The following CHST11 variants were observed in gnomAD, a reference collection of about 807,000 sequenced individuals.
The protein encoded by CHST11 is C4S-1.
Under a neutral mutation model 30.4 loss-of-function variants are expected in CHST11, and 9 were observed. The ratio of observed to expected loss-of-function variants is 0.30; its 90% confidence interval spans 0.18 to 0.52. CHST11 has a LOEUF of 0.52. CHST11 is among the 20% of genes least tolerant of loss of function. The probability of loss-of-function intolerance (pLI) is 0.97; values close to 1 mark genes in which losing one functional copy is unlikely to be tolerated. For synonymous variants in CHST11, 152 were observed against 187.8 expected (o/e 0.81, Z 1.56); for missense variants, 348 against 460.6 (o/e 0.76, Z 2.24).
intron 1 of CHST11, among the ~76,000 whole-genome samples, chr12:104,514,820 C>A (rs1352520360): frequency 6.6e-6 from 1 of 152,168 alleles, no homozygotes; most frequent in African/African-American, 2.4e-5. Context: ...GGCCCCATGT[C>A]CAACATTGGT....
Position 104,457,384 on chromosome 12 carries a change from C to A in CHST11, c.-28C>A. Reference sequence around the variant, plus strand: ...GCGCCCCGGGCGCGCTTCCCGGACACCCCGGTCCCCGCAGCCAGGACAAAG... The same window carrying A: ...GCGCCCCGGGCGCGCTTCCCGGACAACCCGGTCCCCGCAGCCAGGACAAAG... On this transcript the variant is annotated 5_prime_UTR_variant, in exon 1 of 3. Coordinates refer to ENST00000303694, the MANE Select transcript of CHST11 (RefSeq NM_018413.6). 6.4e-7 allele frequency: 1 copy of A among 1,570,508 alleles called. No homozygotes were observed.
At chr12:104,539,704 TTA>T (rs2038269373) in intron 1 of CHST11, among the ~76,000 whole-genome samples, 1 of 152,200 alleles carries the variant, frequency 6.6e-6, no homozygotes, top group African/African-American at 2.4e-5. Context: ...AAGACTTTGG[TTA>T]TCTTTTCAGA....
chr12:104,610,968 T>C (rs556668945), intron 2 of CHST11, among the ~76,000 whole-genome samples: 1 of 152,324 alleles, frequency 6.6e-6, no homozygotes, highest in Admixed American at 6.5e-5. Flanking sequence ...AGATGCCCAG[T>C]CAATGCTGAT....
chr12:104,628,194 G>A (rs1268376510), intron 2 of CHST11, among the ~76,000 whole-genome samples: 1 of 152,128 alleles, frequency 6.6e-6, no homozygotes, highest in African/African-American at 2.4e-5. Context: ...CATTAAACCC[G>A]AGGTCAGGAG....
chr12:104,656,606 A>G (rs1160112589), intron 2 of CHST11, among the ~76,000 whole-genome samples: 1 of 152,194 alleles, frequency 6.6e-6, no homozygotes, highest in African/African-American at 2.4e-5. Context: ...ACCGCAGGAC[A>G]TTCCCAGCCC....
At chr12:104,597,209 T>A (rs982196783) in intron 1 of CHST11, among the ~76,000 whole-genome samples, 3 of 152,202 alleles carry the variant, frequency 2.0e-5, no homozygotes, top group African/African-American at 7.2e-5. Flanking sequence ...CGGCTTGAGT[T>A]TAATTTTAGC....
chr12:104,477,909 G>C (rs550897379), intron 1 of CHST11, among the ~76,000 whole-genome samples: 51 of 152,268 alleles, frequency 3.3e-4, no homozygotes, highest in African/African-American at 1.1e-3. Flanking sequence ...CAACTGATTG[G>C]AGAAAGGAAT....
chr12:104,522,078 A>C (rs997925255), intron 1 of CHST11, among the ~76,000 whole-genome samples: 3 of 152,196 alleles, frequency 2.0e-5, no homozygotes, highest in Non-Finnish European at 4.4e-5. Context: ...TTAATCAATA[A>C]TGTGAAATTA....
intron 1 of CHST11, chr12:104,553,532 CG>C (rs1565984682): frequency 6.7e-6 from 1 of 150,174 alleles, no homozygotes; most frequent in Non-Finnish European, 1.5e-5. Context: ...TGGCAGAAGG[CG>C]AAGGGGAAGC....
chr12:104,557,866 A>G lies in CHST11; in HGVS notation c.119-44040A>G, dbSNP rs188693504. On this transcript the variant is annotated intron_variant, in intron 1 of 2. Transcript: ENST00000303694. ...GTGATTCTCAACCAGTGTGGGCTGGAGCAATCAGAGAAGCCTTCGTGGGGG... is the reference window on the plus strand; with the variant it reads ...GTGATTCTCAACCAGTGTGGGCTGGGGCAATCAGAGAAGCCTTCGTGGGGG... 2.6e-5 allele frequency among the ~76,000 whole-genome samples: 4 copies of G among 152,216 alleles called. No homozygotes were observed. The East Asian group carries it at 7.7e-4, about 29-fold the overall frequency.
At chr12:104,639,653 C>CAT (rs1471764163) in intron 2 of CHST11, among the ~76,000 whole-genome samples, 1 of 152,170 alleles carries the variant, frequency 6.6e-6, no homozygotes, top group Non-Finnish European at 1.5e-5. Flanking sequence ...GCAATCCATG[C>CAT]ATACGTGGTC....
In CHST11 at chr12:104,752,580, T is replaced by C. The variant is rs549243482; in HGVS notation, c.205-4369T>C. Among the ~76,000 whole-genome samples the C allele has an allele frequency of 3.0e-4, 46 of 152,282 alleles. No homozygotes were observed. In the South Asian group the frequency reaches 9.3e-3, roughly 31 times the overall value. On this transcript the variant is annotated intron_variant, in intron 2 of 2. Coordinates refer to ENST00000303694, the MANE Select transcript of CHST11 (RefSeq NM_018413.6). ...TCTCACTCTGTCGCCCAGGCTGGAG[T>C]GCAGTGCCGCGATCGCGGCTCATTG...
At chr12:104,734,782 A>G (rs542655509) in intron 2 of CHST11, among the ~76,000 whole-genome samples, 3 of 152,328 alleles carry the variant, frequency 2.0e-5, no homozygotes, top group African/African-American at 7.2e-5. Flanking sequence ...TGGGAGCTTT[A>G]TGGCAAAGTA....
intron 1 of CHST11, among the ~76,000 whole-genome samples, chr12:104,515,864 C>G (rs1234590401): frequency 6.6e-6 from 1 of 152,120 alleles, no homozygotes; most frequent in African/African-American, 2.4e-5. Flanking sequence ...AGTTCAAAAG[C>G]CTTGGGGTGC....
chr12:104,741,560 T>C (rs2040347279), intron 2 of CHST11, among the ~76,000 whole-genome samples: 3 of 152,238 alleles, frequency 2.0e-5, no homozygotes, highest in Non-Finnish European at 4.4e-5. Context: ...TGTTAATACA[T>C]ATTAATAGCT....
At chr12:104,483,778 G>A (rs917473339) in intron 1 of CHST11, among the ~76,000 whole-genome samples, 1 of 152,194 alleles carries the variant, frequency 6.6e-6, no homozygotes, top group Non-Finnish European at 1.5e-5. Flanking sequence ...TTTATTGGGT[G>A]AGTGAAAGGA....
At chr12:104,612,338 T>C (rs2039068334) in intron 2 of CHST11, among the ~76,000 whole-genome samples, 1 of 152,196 alleles carries the variant, frequency 6.6e-6, no homozygotes, top group Admixed American at 6.5e-5. Context: ...GTTAGCTTCC[T>C]GGTTTGAGGG....
chr12:104,738,211 T>C (rs1566060063), intron 2 of CHST11, among the ~76,000 whole-genome samples: 2 of 152,142 alleles, frequency 1.3e-5, no homozygotes, highest in Admixed American at 6.5e-5. Flanking sequence ...CCCTGTCATT[T>C]TGGGCATAAA....
chr12:104,565,663 C>T (rs2038557593), intron 1 of CHST11, among the ~76,000 whole-genome samples: 1 of 152,146 alleles, frequency 6.6e-6, no homozygotes, highest in South Asian at 2.1e-4. Flanking sequence ...GAGGAGTCTT[C>T]AGGCAGCGGG....
Sources: gnomAD v4.1 joint callset for allele counts (sites outside exome capture counted in the v4.1 genomes callset) on GRCh38, gnomAD v4.1.1 for gene constraint, MANE v1.5 for transcripts, NCBI Gene and HGNC (gene_info 2026-07-23, HGNC 2026-07-21) for gene names.